Variants in MTG1 observed in about 807,000 individuals in gnomAD.
The protein encoded by MTG1 is mitochondrial ribosome-associated GTPase 1.
MTG1 carries 30 observed loss-of-function variants against 39.5 expected under a neutral mutation model. That is an observed-to-expected ratio of 0.76 (90% CI 0.57 to 1.03). The LOEUF (loss-of-function observed/expected upper bound fraction) is 1.03, where lower values mean the gene tolerates loss of function less well. Ranked by LOEUF, MTG1 falls within the 50% of genes least tolerant of loss-of-function variation. MTG1 has a pLI of 0.00. For missense variants in MTG1, 513 were observed against 447.4 expected, an observed-to-expected ratio of 1.15 and a Z score of -1.32; for synonymous variants, 217 against 179.0, an observed-to-expected ratio of 1.21 and a Z score of -1.69.
intron 9 of MTG1, among the ~76,000 whole-genome samples, chr10:133,410,231 A>ATT (rs1343070753): frequency 4.6e-5 from 7 of 151,708 alleles, no homozygotes; most frequent in African/African-American, 1.7e-4. Context: ...TTATTTATTT[A>ATT]TTTTTTGTAG....
chr10:133,417,690 C>A (rs1217207479), intron 9 of MTG1, among the ~76,000 whole-genome samples: 4 of 152,078 alleles, frequency 2.6e-5, no homozygotes, highest in Admixed American at 2.6e-4. Flanking sequence ...TCTCAGGATA[C>A]AAAATCAATG....
chr10:133,408,067 C>T (rs564492031), intron 9 of MTG1, among the ~76,000 whole-genome samples: 150 of 152,286 alleles, frequency 9.8e-4, no homozygotes, highest in Middle Eastern at 3.4e-3. Flanking sequence ...ATTTCTTTCT[C>T]TTGCCTAATT....
chr10:133,414,401 A>G (rs984845693), intron 9 of MTG1, among the ~76,000 whole-genome samples: 2 of 152,202 alleles, frequency 1.3e-5, no homozygotes, highest in Non-Finnish European at 2.9e-5. Flanking sequence ...CGCCATTGTC[A>G]TCATGGCCTG....
At position 133,401,565 on chromosome 10, in the gene MTG1, C is replaced by G; in HGVS notation, c.548C>G (p.Thr183Ser). ...ATRVGGEPGI[T>S]RAVMSKIQVS... ...AGGGTGGGTGGCGAGCCTGGGATCA[C>G]CAGAGCTGTGATGTCCAAAATTCAG... The change falls in exon 7 of 11, where the codon ACC becomes AGC. Residue 183 changes from threonine (T) to serine (S), a missense_variant. By Grantham distance (58) the Thr-to-Ser change is moderately conservative. Coordinates refer to ENST00000317502, the MANE Select transcript of MTG1 (RefSeq NM_138384.4). 5 of 1,604,790 alleles carry G rather than the reference C, an allele frequency of 3.1e-6. No individual in the cohort carries two copies. The South Asian group carries it at 5.5e-5, about 18-fold the overall frequency.
At chr10:133,394,804 T>C (rs1042131806) in intron 1 of MTG1, 79 of 944,800 alleles carry the variant, frequency 8.4e-5, no homozygotes, top group Non-Finnish European at 9.3e-5. Flanking sequence ...TAATTCTTAC[T>C]GTTTGTCACA....
chr10:133,419,049 C>CAGCAAA (rs1374474300), intron 9 of MTG1, among the ~76,000 whole-genome samples: 2 of 152,248 alleles, frequency 1.3e-5, no homozygotes, highest in Admixed American at 1.3e-4. Context: ...TTACCGAGTG[C>CAGCAAA]CATCCTTAGC....
At chr10:133,397,727 C>T (rs1053016445) in intron 3 of MTG1, among the ~76,000 whole-genome samples, 4 of 151,310 alleles carry the variant, frequency 2.6e-5, no homozygotes, top group African/African-American at 9.8e-5. Flanking sequence ...ATCCGCCCGC[C>T]TCGGCCTCCC....
rs964410573 is a variant in MTG1, at chr10:133,421,020, A to T, written c.*855A>T. 1 of 152,700 alleles carries T rather than the reference A, an allele frequency of 6.5e-6. No individual in the cohort carries two copies. The highest frequency in any genetic ancestry group is 1.9e-4 in the East Asian group (1 of 5,212). 9.5% of individuals were successfully genotyped at this position (152,700 alleles called of 1,614,324 possible). On this transcript the variant is annotated 3_prime_UTR_variant, in exon 11 of 11. Transcript: ENST00000317502. ...AGGAAGGAAGGTGGGTGGGGCTGGT[A>T]GTATGGACTAAGGTGCTGCAGGACC...
rs189698421 is a variant in MTG1 at position 133,402,906 on chromosome 10, G to A, written c.752+133G>A. On this transcript the variant is annotated intron_variant, in intron 9 of 10. Transcript: ENST00000317502. The surrounding 1 kb of genome is among the most constrained non-coding windows in gnomAD (Gnocchi z 4.7). Reference sequence around the variant, plus strand: ...CGGTAACCTGCACATCGTTTAAAGCGTCCAGTTGGACAAGTTCGGGAGTAT... The same window carrying A: ...CGGTAACCTGCACATCGTTTAAAGCATCCAGTTGGACAAGTTCGGGAGTAT... 828 of 685,834 alleles carry A rather than the reference G, an allele frequency of 1.2e-3. 1 individual carries two copies. The highest frequency in any genetic ancestry group is 1.8e-3 in the Non-Finnish European group (729 of 414,756). The allele number at this position is 685,834 out of a possible 1,614,324, so 42.5% of individuals were successfully genotyped here.
intron 9 of MTG1, among the ~76,000 whole-genome samples, chr10:133,416,385 TATA>T (rs777104492): frequency 2.8e-5 from 4 of 144,394 alleles, no homozygotes; most frequent in Non-Finnish European, 3.0e-5. Flanking sequence ...TATATATATA[TATA>T]TTTTTCTTTT....
chr10:133,400,264 G>T (rs1483502700), intron 6 of MTG1, among the ~76,000 whole-genome samples: 1 of 152,252 alleles, frequency 6.6e-6, no homozygotes, highest in Non-Finnish European at 1.5e-5. Flanking sequence ...AGTAGACGGG[G>T]CTGGATTATC....
At chr10:133,411,792 T>C (rs932443021) in intron 9 of MTG1, among the ~76,000 whole-genome samples, 14 of 152,094 alleles carry the variant, frequency 9.2e-5, no homozygotes, top group Non-Finnish European at 1.8e-4. Context: ...CTGTTTGATT[T>C]TTTTTTTTTA....
At chr10:133,411,439 C>A (rs1326295550) in intron 9 of MTG1, among the ~76,000 whole-genome samples, 1 of 152,124 alleles carries the variant, frequency 6.6e-6, no homozygotes, top group Non-Finnish European at 1.5e-5. Context: ...TGGGTTAAAT[C>A]TGTTTGGTGA....
At chr10:133,397,054 C>T (rs948281885) in intron 3 of MTG1, among the ~76,000 whole-genome samples, 1 of 152,178 alleles carries the variant, frequency 6.6e-6, no homozygotes, top group African/African-American at 2.4e-5. Context: ...CAGGCCTGCC[C>T]GCAGTTATCC....
chr10:133,397,779 GTT>G (rs35859911), intron 3 of MTG1, among the ~76,000 whole-genome samples: 5 of 139,456 alleles, frequency 3.6e-5, no homozygotes, highest in Non-Finnish European at 3.1e-5. Flanking sequence ...CGTCCAGCCT[GTT>G]TTTTTTTTTT....
At chr10:133,394,857 A>G (rs1481205497) in intron 1 of MTG1, 2 of 589,000 alleles carry the variant, frequency 3.4e-6, no homozygotes, top group Non-Finnish European at 4.3e-6. Flanking sequence ...CAGCCCGTCT[A>G]GGTGTTGTGA....
intron 6 of MTG1, among the ~76,000 whole-genome samples, chr10:133,399,992 A>G (rs1849849667): frequency 6.6e-6 from 1 of 152,126 alleles, no homozygotes; most frequent in African/African-American, 2.4e-5. Flanking sequence ...GGAGATTGAG[A>G]CCATTCTTGC....
intron 9 of MTG1, among the ~76,000 whole-genome samples, chr10:133,407,054 A>T (rs1192122874): frequency 6.6e-6 from 1 of 152,082 alleles, no homozygotes; most frequent in Admixed American, 6.5e-5. Context: ...TATGGGAGAG[A>T]CTGTCCTTTC....
At chr10:133,399,420 T>C in intron 5 of MTG1, 109 bp from the exon 6 acceptor site, 1 of 1,267,486 alleles carries the variant, frequency 7.9e-7, no homozygotes, top group Non-Finnish European at 1.1e-6. Flanking sequence ...TAACCTCCCT[T>C]CTTCCCTGAG....
Sources: allele counts gnomAD v4.1 joint callset (sites outside exome capture counted in the v4.1 genomes callset), GRCh38; gene constraint gnomAD v4.1.1; non-coding constraint Gnocchi (gnomAD v3.1); transcripts MANE v1.5; gene names NCBI Gene and HGNC (gene_info 2026-07-23, HGNC 2026-07-21).